Variants in RUNX2 observed in about 807,000 individuals in gnomAD.
RUNX2 encodes runt-related transcription factor 2.
A neutral mutation model predicts 51.7 loss-of-function variants in RUNX2; 10 were observed. The observed-to-expected ratio is 0.19, with a 90% CI of 0.12 to 0.33. RUNX2 has a LOEUF of 0.33. RUNX2 is among the 10% of genes least tolerant of loss of function. The pLI, the probability that RUNX2 is intolerant of heterozygous loss-of-function variation, is 1.00. For synonymous variants in RUNX2, 276 were observed against 273.6 expected, an observed-to-expected ratio of 1.01 and a Z score of -0.09; for missense variants, 562 against 691.3, an observed-to-expected ratio of 0.81 and a Z score of 2.10.
chr6:45,334,791 AC>A (rs58604686), intron 2 of RUNX2, among the ~76,000 whole-genome samples: 27,227 of 151,070 alleles, frequency 0.18, 3,805 homozygotes, highest in African/African-American at 0.39. Flanking sequence ...TAACTGAGGT[AC>A]TATAGTTCTG....
chr6:45,396,684 G>T (rs1380049568), intron 2 of RUNX2, among the ~76,000 whole-genome samples: 1 of 152,184 alleles, frequency 6.6e-6, no homozygotes, highest in East Asian at 1.9e-4. Flanking sequence ...GGGATTACAG[G>T]TGTAAACCAC....
intron 6 of RUNX2, among the ~76,000 whole-genome samples, chr6:45,497,082 C>T (rs1317126719): frequency 6.6e-6 from 1 of 152,094 alleles, no homozygotes; most frequent in African/African-American, 2.4e-5. Context: ...AAAGAAGATA[C>T]TAAGAAAGAA....
intron 7 of RUNX2, among the ~76,000 whole-genome samples, chr6:45,535,427 A>AC (rs1802000676): frequency 6.6e-6 from 1 of 152,032 alleles, no homozygotes; most frequent in East Asian, 1.9e-4. Flanking sequence ...ACACGGTGAA[A>AC]CCCCATCTCT....
chr6:45,519,314 C>G (rs1801427293), intron 7 of RUNX2, among the ~76,000 whole-genome samples: 1 of 152,140 alleles, frequency 6.6e-6, no homozygotes, highest in Admixed American at 6.5e-5. Flanking sequence ...CTACCATCTC[C>G]CACTTTCTCC....
chr6:45,338,560 T>C (rs967751338), intron 2 of RUNX2, among the ~76,000 whole-genome samples: 8 of 152,074 alleles, frequency 5.3e-5, no homozygotes, highest in African/African-American at 1.9e-4. Flanking sequence ...TGTATTTCAG[T>C]GTCAAACAAG....
intron 2 of RUNX2, among the ~76,000 whole-genome samples, chr6:45,341,891 GATGT>G (rs956940291): frequency 6.6e-6 from 1 of 152,068 alleles, no homozygotes; most frequent in Admixed American, 6.5e-5. Flanking sequence ...CCACTAAAAA[GATGT>G]ATGAAGATAG....
chr6:45,469,925 C>T (rs1799747415), intron 5 of RUNX2, among the ~76,000 whole-genome samples: 1 of 152,228 alleles, frequency 6.6e-6, no homozygotes, highest in South Asian at 2.1e-4. Flanking sequence ...CATTTTCTGT[C>T]ATCTTAACTC....
chr6:45,388,619 A>G lies in RUNX2; in HGVS notation c.59-33974A>G, dbSNP rs568300586. Among the ~76,000 whole-genome samples the G allele has an allele frequency of 5.3e-5, 8 of 152,344 alleles. No individual in the cohort carries two copies. The East Asian group carries it at 1.5e-3, about 29-fold the overall frequency. On this transcript the variant is annotated intron_variant, in intron 2 of 8. Coordinates refer to ENST00000647337, the MANE Select transcript of RUNX2 (RefSeq NM_001024630.4). Reference sequence around the variant, plus strand: ...AGAATTTGTGACTCCTCCAACTAGCAAGCAATGATGAAGCACAAACTATGT... The same window carrying G: ...AGAATTTGTGACTCCTCCAACTAGCGAGCAATGATGAAGCACAAACTATGT...
At chr6:45,518,418 A>C (rs147238008) in intron 7 of RUNX2, among the ~76,000 whole-genome samples, 1 of 152,108 alleles carries the variant, frequency 6.6e-6, no homozygotes, top group East Asian at 1.9e-4. Context: ...GACATAGCAG[A>C]TGGTGTTCTA....
rs2150362144 is a variant in RUNX2 at position 45,422,660 on chromosome 6, G to C, written c.126G>C (p.Val42=). ...TGCAGCCCGGCAAAATGAGCGACGT[G>C]AGCCCGGTGGTGGCTGCGCAACAGC... ...SSLQPGKMSD[V]SPVVAAQQQQ... is the part of the protein sequence containing the mutation. The change falls in exon 3 of 9, where the codon GTG becomes GTC. Residue 42 remains valine (V), a synonymous_variant. Coordinates refer to ENST00000647337, the MANE Select transcript of RUNX2 (RefSeq NM_001024630.4). 6.2e-7 allele frequency: 1 copy of C among 1,607,356 alleles called. No homozygotes were observed. Among genetic ancestry groups the C allele is most frequent in the East Asian group, 2.3e-5 (1 of 44,306 alleles).
intron 7 of RUNX2, among the ~76,000 whole-genome samples, chr6:45,531,836 A>G (rs1337503524): frequency 6.6e-6 from 1 of 151,910 alleles, no homozygotes; most frequent in African/African-American, 2.4e-5. Flanking sequence ...GATATATTCT[A>G]CCTTGCAAGA....
At chr6:45,505,581 A>G (rs1173582136) in intron 6 of RUNX2, among the ~76,000 whole-genome samples, 2 of 152,074 alleles carry the variant, frequency 1.3e-5, no homozygotes, top group African/African-American at 4.8e-5. Flanking sequence ...GTCCTGCTCA[A>G]AAAAGACTGT....
At chr6:45,416,031 A>G (rs1218478452) in intron 2 of RUNX2, among the ~76,000 whole-genome samples, 2 of 152,218 alleles carry the variant, frequency 1.3e-5, no homozygotes, top group Non-Finnish European at 2.9e-5. Context: ...ACTAGATGGG[A>G]AGAAGAAATT....
chr6:45,334,722 C>A (rs1271796968), intron 2 of RUNX2, among the ~76,000 whole-genome samples: 1 of 150,842 alleles, frequency 6.6e-6, no homozygotes, highest in Non-Finnish European at 1.5e-5. Context: ...TGCATTCACA[C>A]CAATGACTAC....
rs758945895 is a variant in RUNX2, at chr6:45,337,249, T to C, written c.58+8465T>C. Among the ~76,000 whole-genome samples the C allele has an allele frequency of 4.0e-5, 6 of 151,816 alleles. No individual in the cohort carries two copies. In the South Asian group the frequency reaches 1.2e-3, roughly 31 times the overall value. ...ACATCCAATCCCTATTTTGCAATTATAATGTGTGATACTTTCTTTAACCAT... is the reference window on the plus strand; with the variant it reads ...ACATCCAATCCCTATTTTGCAATTACAATGTGTGATACTTTCTTTAACCAT... On this transcript the variant is annotated intron_variant, in intron 2 of 8. Transcript: ENST00000647337.
chr6:45,422,484 CG>C, intron 2 of RUNX2, 108 bp from the exon 3 acceptor site: 1 of 594,002 alleles, frequency 1.7e-6, no homozygotes, highest in East Asian at 7.4e-5. Flanking sequence ...TCTTTCCCCC[CG>C]TCTCGCCTTC....
At chr6:45,540,063 G>A (rs78033498) in intron 7 of RUNX2, among the ~76,000 whole-genome samples, 1,768 of 152,268 alleles carry the variant, frequency 0.012, 34 homozygotes, top group African/African-American at 0.04. Flanking sequence ...CATGGGTGCT[G>A]GGGAGAGCAT....
chr6:45,405,097 C>T (rs763671910), intron 2 of RUNX2, among the ~76,000 whole-genome samples: 11 of 152,174 alleles, frequency 7.2e-5, no homozygotes, highest in African/African-American at 4.8e-5. Context: ...TTCATCCATG[C>T]AAATTCTGCA....
chr6:45,460,613 G>A (rs1403165490), intron 5 of RUNX2, among the ~76,000 whole-genome samples: 3 of 152,080 alleles, frequency 2.0e-5, no homozygotes, highest in Non-Finnish European at 4.4e-5. Context: ...TGACCCTTGA[G>A]CTGGGTTTGG....
Sources: allele counts gnomAD v4.1 joint callset (sites outside exome capture counted in the v4.1 genomes callset), GRCh38; gene constraint gnomAD v4.1.1; transcripts MANE v1.5; gene names NCBI Gene and HGNC (gene_info 2026-07-23, HGNC 2026-07-21).